DOCK1: variants seen among roughly 807,000 people sequenced by gnomAD.
DOCK1 encodes dedicator of cytokinesis protein 1.
In DOCK1, 138 loss-of-function variants were observed where a neutral mutation model predicts 262.7. That is an observed-to-expected ratio of 0.53 (90% CI 0.46 to 0.61). The LOEUF is 0.61. Among genes scored for constraint, DOCK1 ranks in the 20% least tolerant of loss-of-function variants. The pLI is 0.00. For synonymous variants in DOCK1, 866 were observed against 867.4 expected (o/e 1.00, Z 0.03); for missense variants, 1,908 against 2,370.7 (o/e 0.80, Z 4.05).
intron 47 of DOCK1, among the ~76,000 whole-genome samples, chr10:127,429,123 T>C (rs1169809865): frequency 6.6e-6 from 1 of 151,988 alleles, no homozygotes; most frequent in Non-Finnish European, 1.5e-5. Flanking sequence ...TGTCCTTGGT[T>C]GGAGCTTATT....
Position 127,103,367 on chromosome 10 carries a change from A to G in DOCK1, c.2446-2864A>G, listed in dbSNP as rs189737643. ...ACCGCCAAAACAGGAGAAGGAGGAA[A>G]CCTCATATTGTCTGCTGCAGGAGTT... On this transcript the variant is annotated intron_variant, in intron 23 of 51. Transcript: ENST00000623213. 5.9e-5 allele frequency among the ~76,000 whole-genome samples: 9 copies of G among 152,250 alleles called. No homozygotes were observed. The East Asian group carries it at 1.7e-3, about 29-fold the overall frequency.
intron 29 of DOCK1, among the ~76,000 whole-genome samples, chr10:127,322,334 C>T (rs1309730741): frequency 1.3e-5 from 2 of 148,838 alleles, no homozygotes; most frequent in African/African-American, 5.2e-5. Flanking sequence ...GGATTACAAG[C>T]ATGTGCCACC....
chr10:127,176,050 G>C lies in DOCK1; in HGVS notation c.2847+48286G>C. Reference sequence around the variant, plus strand: ...TTTTTGCGGTCCAGAGGGAACGTCTGGTAACACTTCTTAAGGTCGGGCGAG... The same window carrying C: ...TTTTTGCGGTCCAGAGGGAACGTCTCGTAACACTTCTTAAGGTCGGGCGAG... On this transcript the variant is annotated intron_variant, in intron 27 of 51. Transcript: ENST00000623213. This position sits in a 1 kb window ranked among gnomAD's most constrained non-coding sequence, Gnocchi z 4.4. 1 of 1,614,154 alleles carries C rather than the reference G, an allele frequency of 6.2e-7. No individual in the cohort carries two copies. The highest frequency in any genetic ancestry group is 8.5e-7 in the Non-Finnish European group (1 of 1,180,030).
intron 13 of DOCK1, 31 bp downstream of exon 13, chr10:127,018,866 C>T: frequency 1.2e-6 from 2 of 1,610,684 alleles, no homozygotes; most frequent in South Asian, 1.1e-5. Flanking sequence ...GGCTTCTCAG[C>T]ATGGCATGGG....
chr10:127,296,291 G>A (rs963847934), intron 29 of DOCK1, among the ~76,000 whole-genome samples: 1 of 152,226 alleles, frequency 6.6e-6, no homozygotes, highest in African/African-American at 2.4e-5. Flanking sequence ...GGCAGGGGAG[G>A]AGGGGGAATG....
rs1223642147 is a variant in DOCK1, at chr10:127,357,335, TTG to T, written c.3283+2611_3283+2612del. On this transcript the variant is annotated intron_variant, in intron 32 of 51. Transcript: ENST00000623213. ...CCACTGAAAGTGGCTCCATTTCAAT[TTG>T]TGCTACGTGCCATGATAACAATGAA... Among the ~76,000 whole-genome samples, 5 of 152,292 alleles carry T rather than the reference TTG, an allele frequency of 3.3e-5. No homozygotes were observed. In the East Asian group the frequency reaches 7.7e-4, roughly 24 times the overall value.
chr10:127,424,975 A>G (rs577253862), intron 46 of DOCK1, among the ~76,000 whole-genome samples: 1 of 152,354 alleles, frequency 6.6e-6, no homozygotes, highest in East Asian at 1.9e-4. Context: ...TGATGCGTTG[A>G]TTCATCTTGA....
chr10:127,077,550 A>G (rs1320923720), intron 23 of DOCK1, among the ~76,000 whole-genome samples: 1 of 152,122 alleles, frequency 6.6e-6, no homozygotes, highest in African/African-American at 2.4e-5. Flanking sequence ...ACATGGATTC[A>G]AGGATGGCAT....
At chr10:127,422,358 G>A (rs1052344955) in intron 46 of DOCK1, among the ~76,000 whole-genome samples, 2 of 151,414 alleles carry the variant, frequency 1.3e-5, no homozygotes, top group South Asian at 4.2e-4. Context: ...GTAGAGATGG[G>A]GTTTCACCAT....
At chr10:127,431,007 C>T (rs528142522) in intron 47 of DOCK1, among the ~76,000 whole-genome samples, 25 of 152,326 alleles carry the variant, frequency 1.6e-4, no homozygotes, top group Non-Finnish European at 2.2e-4. Flanking sequence ...TGGGCTTCCC[C>T]GGCATCATTT....
intron 23 of DOCK1, among the ~76,000 whole-genome samples, chr10:127,088,545 A>G (rs1315156339): frequency 6.6e-6 from 1 of 152,160 alleles, no homozygotes; most frequent in African/African-American, 2.4e-5. Flanking sequence ...GAAAATAACA[A>G]TGATTATGGT....
intron 27 of DOCK1, among the ~76,000 whole-genome samples, chr10:127,207,883 A>C (rs1021739607): frequency 1.3e-5 from 2 of 152,198 alleles, no homozygotes; most frequent in Admixed American, 1.3e-4. Flanking sequence ...CTTATAGCAT[A>C]AGTTGTTGGA....
chr10:127,230,480 A>G, intron 27 of DOCK1, among the ~76,000 whole-genome samples: 1 of 152,094 alleles, frequency 6.6e-6, no homozygotes, highest in Admixed American at 6.5e-5. Context: ...ATTCTTTTAC[A>G]TGTGGAGATC....
At chr10:126,961,008 G>A (rs2037174745) in intron 1 of DOCK1, among the ~76,000 whole-genome samples, 1 of 151,978 alleles carries the variant, frequency 6.6e-6, no homozygotes, top group South Asian at 2.1e-4. Flanking sequence ...AGGCTCTTTT[G>A]TATATTTCTT....
chr10:127,237,130 G>A (rs1180734297), intron 27 of DOCK1, among the ~76,000 whole-genome samples: 1 of 151,994 alleles, frequency 6.6e-6, no homozygotes, highest in Non-Finnish European at 1.5e-5. Context: ...AGGCCGAGGC[G>A]GGCAGATCAC....
At chr10:127,238,613 C>T (rs1395567816) in intron 27 of DOCK1, among the ~76,000 whole-genome samples, 1 of 152,080 alleles carries the variant, frequency 6.6e-6, no homozygotes, top group Admixed American at 6.6e-5. Context: ...CAATTTGCTA[C>T]ATTTGTTTGT....
intron 27 of DOCK1, among the ~76,000 whole-genome samples, chr10:127,141,438 C>G (rs997640030): frequency 1.3e-5 from 2 of 152,120 alleles, no homozygotes; most frequent in East Asian, 3.9e-4. Context: ...CACGGTGGCT[C>G]ATGCCTGTAA....
chr10:127,245,644 C>T (rs959683471), intron 27 of DOCK1, among the ~76,000 whole-genome samples: 4 of 152,184 alleles, frequency 2.6e-5, no homozygotes, highest in Admixed American at 6.5e-5. Flanking sequence ...CATGACGTGA[C>T]AGTCTGCTGC....
At chr10:126,980,439 AGT>A (rs1428809489) in intron 3 of DOCK1, among the ~76,000 whole-genome samples, 1 of 152,134 alleles carries the variant, frequency 6.6e-6, no homozygotes, top group Non-Finnish European at 1.5e-5. Flanking sequence ...CCTAGGCTGA[AGT>A]GATCCTCTCA....
Sources: allele counts gnomAD v4.1 joint callset (sites outside exome capture counted in the v4.1 genomes callset), GRCh38; gene constraint gnomAD v4.1.1; non-coding constraint Gnocchi (gnomAD v3.1); transcripts MANE v1.5; gene names NCBI Gene and HGNC (gene_info 2026-07-23, HGNC 2026-07-21).